The following GPX6 variants were observed in gnomAD, a reference collection of about 807,000 sequenced individuals.
The protein encoded by GPX6 is glutathione peroxidase 6 (olfactory).
In GPX6, 21 loss-of-function variants were observed where a neutral mutation model predicts 20.0. The ratio of observed to expected loss-of-function variants is 1.05; its 90% CI spans 0.74 to 1.51. GPX6 has a LOEUF of 1.51. GPX6 is among the 40% of genes most tolerant of loss of function. GPX6 has a pLI of 0.00. For synonymous variants in GPX6, 75 were observed against 98.0 expected, an observed-to-expected ratio of 0.77 and a Z score of 1.38; for missense variants, 233 against 254.7, an observed-to-expected ratio of 0.91 and a Z score of 0.58.
intron 2 of GPX6, among the ~76,000 whole-genome samples, chr6:28,506,658 G>A (rs1762809128): frequency 6.7e-6 from 1 of 149,232 alleles, no homozygotes; most frequent in Non-Finnish European, 1.5e-5. Flanking sequence ...TAGCTCCCAT[G>A]CCTGGCTACA....
chr6:28,510,159 T>TA (rs1762847648), intron 2 of GPX6, among the ~76,000 whole-genome samples: 1 of 152,232 alleles, frequency 6.6e-6, no homozygotes, highest in Non-Finnish European at 1.5e-5. Flanking sequence ...TGCATAATTG[T>TA]AACTGAACAT....
In GPX6 at chr6:28,504,972, G is replaced by T. The variant is rs1762794032; in HGVS notation, c.460-474C>A. On this transcript the variant is annotated intron_variant, in intron 4 of 4. Transcript: ENST00000361902. Reference sequence around the variant, plus strand: ...ACGTAGAATCACTAATACTCATTTTGCCAATAAGAAAAATTAAAAGTCTAC... The same window carrying T: ...ACGTAGAATCACTAATACTCATTTTTCCAATAAGAAAAATTAAAAGTCTAC... Among the ~76,000 whole-genome samples the T allele has an allele frequency of 3.3e-5, 5 of 152,062 alleles. No homozygotes were observed. In the South Asian group the frequency reaches 1.0e-3, roughly 32 times the overall value.
Position 28,515,786 on chromosome 6 carries a change from C to G in GPX6, c.-43G>C. On this transcript the variant is annotated 5_prime_UTR_variant, in exon 1 of 5. Transcript: ENST00000361902. ...GACTCTGAGGTCCCCAGGATTTCAG[C>G]CCCTTTTGAGCCCCTGGCAGGGACC... 1.3e-6 allele frequency: 2 copies of G among 1,534,864 alleles called. No individual in the cohort carries two copies. The highest frequency in any genetic ancestry group is 1.8e-6 in the Non-Finnish European group (2 of 1,108,958).
intron 3 of GPX6, 115 bp from the exon 4 acceptor site, chr6:28,505,917 C>T: frequency 1.3e-6 from 1 of 771,628 alleles, no homozygotes; most frequent in Non-Finnish European, 2.3e-6. Flanking sequence ...AGAGGCTGTG[C>T]ACAGGGAAGA....
At position 28,510,889 on chromosome 6, in the gene GPX6, C is replaced by T; in HGVS notation, c.103G>A (p.Gly35Arg). ...PQNRKVDCNK[G>R]VTGTIYEYGA... is the part of the protein sequence containing the mutation. ...TACTCATAGATGGTGCCTGTTACCC[C>T]TTTGTTGCAATCCACCTGGAATTTT... is the stretch of plus-strand genomic sequence containing the variant. Residue 35 changes from glycine (G) to arginine (R), a missense_variant, in exon 2 of 5, where the codon GGG (glycine) becomes AGG (arginine). Gly to Arg is a moderately radical substitution (Grantham distance 125, BLOSUM62 -2). Transcript: ENST00000361902. The T allele has an allele frequency of 6.2e-7, 1 of 1,606,226 alleles. No individual in the cohort carries two copies.
intron 1 of GPX6, among the ~76,000 whole-genome samples, chr6:28,512,249 C>T (rs557555874): frequency 6.6e-6 from 1 of 152,266 alleles, no homozygotes; most frequent in Non-Finnish European, 1.5e-5. Context: ...CAGCTGGGCT[C>T]CTGAGTCTGG....
intron 1 of GPX6, among the ~76,000 whole-genome samples, chr6:28,511,741 G>T (rs944142750): frequency 2.0e-5 from 3 of 152,272 alleles, no homozygotes; most frequent in Admixed American, 6.5e-5. Flanking sequence ...CTCTGGTCGC[G>T]CTTAAGAGGC....
At chr6:28,506,764 T>G (rs1042713265) in intron 2 of GPX6, among the ~76,000 whole-genome samples, 3 of 151,428 alleles carry the variant, frequency 2.0e-5, no homozygotes, top group African/African-American at 7.3e-5. Flanking sequence ...GGAGTCCTGT[T>G]TGACTCTAAA....
At chr6:28,512,241 G>C (rs999443366) in intron 1 of GPX6, among the ~76,000 whole-genome samples, 5 of 152,276 alleles carry the variant, frequency 3.3e-5, no homozygotes, top group Non-Finnish European at 7.3e-5. Flanking sequence ...GCTGAAGCCA[G>C]CTGGGCTCCT....
At chr6:28,514,540 T>G (rs1307079302) in intron 1 of GPX6, among the ~76,000 whole-genome samples, 1 of 152,198 alleles carries the variant, frequency 6.6e-6, no homozygotes, top group African/African-American at 2.4e-5. Context: ...TGGCTTGTAA[T>G]AGGCACCATC....
At chr6:28,513,058 G>A (rs1362981030) in intron 1 of GPX6, among the ~76,000 whole-genome samples, 1 of 152,310 alleles carries the variant, frequency 6.6e-6, no homozygotes, top group Non-Finnish European at 1.5e-5. Context: ...GAGCACACTG[G>A]AAGGCCATTG....
At position 28,512,647 on chromosome 6, in the gene GPX6, C is replaced by T. The variant is rs567428703; in HGVS notation, c.88-1743G>A. Among the ~76,000 whole-genome samples the T allele has an allele frequency of 2.2e-4, 34 of 152,306 alleles. No homozygotes were observed. In the East Asian group the frequency reaches 5.8e-3, roughly 26 times the overall value. Reference sequence around the variant, plus strand: ...AGCAGTGGCAGCCCCCGTGGGTCCCCTTCCACACTGTGGGAGCTTTGTTCT... The same window carrying T: ...AGCAGTGGCAGCCCCCGTGGGTCCCTTTCCACACTGTGGGAGCTTTGTTCT... On this transcript the variant is annotated intron_variant, in intron 1 of 4. Transcript: ENST00000361902.
Position 28,504,129 on chromosome 6 carries a change from C to A in GPX6, c.*163G>T. 3.2e-6 allele frequency: 2 copies of A among 628,574 alleles called. No homozygotes were observed. The highest frequency in any genetic ancestry group is 2.7e-5 in the East Asian group (1 of 36,628). The allele number at this position is 628,574 out of a possible 1,614,324, so 38.9% of individuals were successfully genotyped here. On this transcript the variant is annotated 3_prime_UTR_variant, in exon 5 of 5. Coordinates refer to ENST00000361902, the MANE Select transcript of GPX6 (RefSeq NM_182701.1). The stretch of plus-strand genomic sequence containing the variant: ...ACACACACACACACACACACAGCTA[C>A]ACACACATGCTAAGCAGGTGCTTGG...
chr6:28,511,727 C>T (rs1762879855), intron 1 of GPX6, among the ~76,000 whole-genome samples: 1 of 152,278 alleles, frequency 6.6e-6, no homozygotes, highest in Non-Finnish European at 1.5e-5. Context: ...GGCCTTGGCG[C>T]CCACTCTGGT....
At chr6:28,510,489 ACC>A (rs1762852131) in intron 2 of GPX6, among the ~76,000 whole-genome samples, 3 of 152,296 alleles carry the variant, frequency 2.0e-5, no homozygotes, top group Non-Finnish European at 4.4e-5. Context: ...CCTTCAGGGT[ACC>A]GAGTAACACA....
rs2113595762 is a variant in GPX6, at chr6:28,503,702, T to C, written c.*590A>G. 1 of 152,810 alleles carries C rather than the reference T, an allele frequency of 6.5e-6. No homozygotes were observed. Among genetic ancestry groups the C allele is most frequent in the Non-Finnish European group, 1.5e-5 (1 of 68,474 alleles). 9.5% of individuals were successfully genotyped at this position (152,810 alleles called of 1,614,324 possible). On this transcript the variant is annotated 3_prime_UTR_variant, in exon 5 of 5. Transcript: ENST00000361902. ...TTCATGTGAGGTGGGGTTTCTGCTC[T>C]CACTCTGCCTTCAGAGGTCCTACAT... is the stretch of plus-strand genomic sequence containing the variant.
intron 1 of GPX6, among the ~76,000 whole-genome samples, chr6:28,514,260 GA>G (rs1456027304): frequency 2.0e-5 from 3 of 152,200 alleles, no homozygotes; most frequent in Non-Finnish European, 4.4e-5. Flanking sequence ...GTCACTCTGT[GA>G]AATGAGATGC....
intron 1 of GPX6, among the ~76,000 whole-genome samples, chr6:28,513,518 C>T (rs1443208235): frequency 2.6e-5 from 4 of 152,176 alleles, no homozygotes; most frequent in Non-Finnish European, 5.9e-5. Flanking sequence ...TCCGGTTTCG[C>T]TGGTACCTTG....
intron 2 of GPX6, among the ~76,000 whole-genome samples, chr6:28,507,711 T>C (rs560885107): frequency 6.6e-6 from 1 of 152,324 alleles, no homozygotes; most frequent in Admixed American, 6.5e-5. Context: ...ATTACAGGCA[T>C]GTGCCACCAT....
Sources: allele counts gnomAD v4.1 joint callset (sites outside exome capture counted in the v4.1 genomes callset), GRCh38; gene constraint gnomAD v4.1.1; transcripts MANE v1.5; gene names NCBI Gene and HGNC (gene_info 2026-07-23, HGNC 2026-07-21).